WDR48: variants seen among roughly 807,000 people sequenced by gnomAD.
The protein encoded by WDR48 is WD repeat domain 48.
In WDR48, 22 loss-of-function variants were observed where a neutral mutation model predicts 94.0. The ratio of observed to expected loss-of-function variants is 0.23; its 90% CI spans 0.17 to 0.33. The LOEUF (loss-of-function observed/expected upper bound fraction) is 0.33, where lower values mean the gene tolerates loss of function less well. Among genes scored for constraint, WDR48 ranks in the 10% least tolerant of loss-of-function variants. WDR48 has a pLI of 1.00. For missense variants in WDR48, 541 were observed against 813.8 expected (o/e 0.66, Z 4.08); for synonymous variants, 278 against 280.5 (o/e 0.99, Z 0.09).
chr3:39,089,948 T>C (rs1397142520), intron 16 of WDR48: 3 of 152,256 alleles, frequency 2.0e-5, no homozygotes, highest in Non-Finnish European at 4.4e-5. Context: ...TTACAAATAG[T>C]GCTGCAGTGA....
At chr3:39,088,303 C>T (rs2034918262) in intron 15 of WDR48, 70 bp downstream of exon 15, 6 of 1,419,734 alleles carry the variant, frequency 4.2e-6, no homozygotes, top group Admixed American at 3.5e-5. Context: ...TCGACTCAAA[C>T]TCAGTATTTC....
At chr3:39,079,910 G>A (rs1005557008) in intron 11 of WDR48, 102 bp downstream of exon 11, 3 of 585,390 alleles carry the variant, frequency 5.1e-6, no homozygotes, top group East Asian at 3.5e-5. Flanking sequence ...AGATGTAATT[G>A]CAGTAATACT....
At chr3:39,069,955 A>G (rs1181253260) in intron 7 of WDR48, among the ~76,000 whole-genome samples, 2 of 152,240 alleles carry the variant, frequency 1.3e-5, no homozygotes, top group African/African-American at 4.8e-5. Context: ...TTTCCTTAGA[A>G]TAATTCTGAT....
chr3:39,072,847 A>G (rs1251056016), intron 7 of WDR48, among the ~76,000 whole-genome samples: 3 of 152,298 alleles, frequency 2.0e-5, no homozygotes, highest in East Asian at 1.9e-4. Flanking sequence ...AAGTTGGCCA[A>G]CATAATACTT....
intron 2 of WDR48, among the ~76,000 whole-genome samples, chr3:39,065,162 C>G (rs1490751414): frequency 6.6e-6 from 1 of 152,156 alleles, no homozygotes; most frequent in Non-Finnish European, 1.5e-5. Flanking sequence ...AAGGCCTCTC[C>G]TGGTTATTAA....
In WDR48 at chr3:39,063,617, A is replaced by T. The variant is rs532960027; in HGVS notation, c.189+427A>T. Among the ~76,000 whole-genome samples the T allele has an allele frequency of 7.5e-4, 114 of 152,298 alleles. 1 individual carries two copies. The highest frequency in any genetic ancestry group is 2.3e-3 in the African/African-American group (97 of 41,546). ...TTTTCCTCACTTAAAAGTAATTAGG[A>T]TCCTCACAAACCCCACACGGCCTAA... On this transcript the variant is annotated intron_variant, in intron 2 of 18. Coordinates refer to ENST00000302313, the MANE Select transcript of WDR48 (RefSeq NM_020839.4).
At chr3:39,070,198 ATTTTGGTAATGTTATACATTAGCTCTGTT>A in intron 7 of WDR48, among the ~76,000 whole-genome samples, 1 of 152,352 alleles carries the variant, frequency 6.6e-6, no homozygotes, top group South Asian at 2.1e-4. Flanking sequence ...AAAGAAAAAC[ATTTTGGTAATGTTATACATTAGCTCTGTT>A]GGCCACGTAA....
At chr3:39,078,976 G>A (rs2034382844) in intron 10 of WDR48, among the ~76,000 whole-genome samples, 1 of 148,990 alleles carries the variant, frequency 6.7e-6, no homozygotes, top group South Asian at 2.1e-4. Flanking sequence ...CTTGCAGTGA[G>A]CCGAGATCCC....
intron 1 of WDR48, 175 bp downstream of exon 1, chr3:39,052,248 G>A (rs2032458052): frequency 5.5e-6 from 4 of 727,404 alleles, no homozygotes; most frequent in East Asian, 6.2e-5. Flanking sequence ...GGAAGGGGCG[G>A]GGGTCGGCTT....
intron 1 of WDR48, 92 bp downstream of exon 1, chr3:39,052,165 G>C: frequency 6.5e-7 from 1 of 1,532,216 alleles, no homozygotes; most frequent in South Asian, 1.1e-5. Context: ...GACCAGCTGG[G>C]GTAGCGGCAT....
At chr3:39,071,514 T>C (rs2033933781) in intron 7 of WDR48, among the ~76,000 whole-genome samples, 1 of 152,166 alleles carries the variant, frequency 6.6e-6, no homozygotes. Context: ...GCTCTACCTG[T>C]CTGCTCCATC....
chr3:39,094,958 C>T lies in WDR48; in HGVS notation c.*215C>T, dbSNP rs1405741668. 1.1e-5 allele frequency: 7 copies of T among 627,490 alleles called. No individual in the cohort carries two copies. Among genetic ancestry groups the T allele is most frequent in the East Asian group, 2.8e-5 (1 of 35,370 alleles). 38.9% of individuals were successfully genotyped at this position (627,490 alleles called of 1,614,324 possible). A position where few individuals can be genotyped will look rare whatever the true frequency, so the allele number is the denominator to read the frequency against. ...AAGCTGTCCCCAGGGAAGCAGAGTG[C>T]AAGAGCAGAAGAGCCCCAAGCAGAC... On this transcript the variant is annotated 3_prime_UTR_variant, in exon 19 of 19. Transcript: ENST00000302313.
chr3:39,083,129 G>T (rs2034623195), intron 11 of WDR48, among the ~76,000 whole-genome samples: 2 of 152,182 alleles, frequency 1.3e-5, no homozygotes, highest in Admixed American at 6.5e-5. Flanking sequence ...TAAATAAAGA[G>T]GGTGGCCTCT....
chr3:39,083,725 G>A (rs569200954), intron 11 of WDR48, among the ~76,000 whole-genome samples: 19 of 152,294 alleles, frequency 1.2e-4, no homozygotes, highest in South Asian at 6.2e-4. Flanking sequence ...AAGGTGTACC[G>A]TTTACTGTTG....
intron 8 of WDR48, among the ~76,000 whole-genome samples, chr3:39,075,948 G>A (rs543630766): frequency 2.0e-4 from 30 of 152,022 alleles, no homozygotes; most frequent in African/African-American, 7.2e-4. Flanking sequence ...TGCCCACCTC[G>A]GCCTCCCAAA....
chr3:39,084,994 G>A (rs367998331), intron 13 of WDR48, among the ~76,000 whole-genome samples: 68 of 152,282 alleles, frequency 4.5e-4, no homozygotes, highest in African/African-American at 1.6e-3. Context: ...TTGGGAGGCC[G>A]AGGCGGGTGG....
intron 11 of WDR48, among the ~76,000 whole-genome samples, chr3:39,082,690 G>A (rs1232703307): frequency 2.0e-5 from 3 of 152,208 alleles, no homozygotes; most frequent in African/African-American, 7.2e-5. Flanking sequence ...GGGAATGTAA[G>A]ATGAAAAACA....
Position 39,095,692 on chromosome 3 carries a change from A to AT in WDR48, c.*949_*950insT, listed in dbSNP as rs2035301788. Reference sequence around the variant, plus strand: ...GTTAATTTGATATTCATATCCTGGAAGTATACATATTTGTTTTTCCAAAGT... The same window carrying AT: ...GTTAATTTGATATTCATATCCTGGAATGTATACATATTTGTTTTTCCAAAGT... On this transcript the variant is annotated 3_prime_UTR_variant, in exon 19 of 19. Transcript: ENST00000302313. 6.6e-6 allele frequency: 1 copy of AT among 152,418 alleles called. No homozygotes were observed. The highest frequency in any genetic ancestry group is 1.5e-5 in the Non-Finnish European group (1 of 68,046). The allele number at this position is 152,418 out of a possible 1,614,324, so 9.4% of individuals were successfully genotyped here. A position where few individuals can be genotyped will look rare whatever the true frequency, so the allele number is the denominator to read the frequency against.
chr3:39,070,481 C>A (rs2125653910), intron 7 of WDR48, among the ~76,000 whole-genome samples: 1 of 152,234 alleles, frequency 6.6e-6, no homozygotes, highest in South Asian at 2.1e-4. Flanking sequence ...CCATCAGTTT[C>A]TTTTCCTGTG....
Sources: gnomAD v4.1 joint callset for allele counts (sites outside exome capture counted in the v4.1 genomes callset) on GRCh38, gnomAD v4.1.1 for gene constraint, MANE v1.5 for transcripts, NCBI Gene and HGNC (gene_info 2026-07-23, HGNC 2026-07-21) for gene names.